The following DPP10 variants were observed in gnomAD, a reference collection of about 807,000 sequenced individuals.
DPP10 encodes the protein inactive dipeptidyl peptidase 10.
Under a neutral mutation model 120.9 loss-of-function variants are expected in DPP10, and 33 were observed. The ratio of observed to expected loss-of-function variants is 0.27; its 90% CI spans 0.21 to 0.37. The LOEUF is 0.37. Ranked by LOEUF, DPP10 falls within the 10% of genes least tolerant of loss-of-function variation. DPP10 has a pLI of 1.00. For synonymous variants in DPP10, 337 were observed against 326.1 expected (o/e 1.03, Z -0.36); for missense variants, 816 against 942.8 (o/e 0.87, Z 1.76).
Position 114,737,254 on chromosome 2 carries a change from A to C in DPP10, c.60+294416A>C, listed in dbSNP as rs118156855. Among the ~76,000 whole-genome samples, 423 of 152,326 alleles carry C rather than the reference A, an allele frequency of 2.8e-3. 10 individuals carry two copies. In the East Asian group the frequency reaches 0.067, roughly 24 times the overall value. On this transcript the variant is annotated intron_variant, in intron 1 of 25. Coordinates refer to ENST00000410059, the MANE Select transcript of DPP10 (RefSeq NM_020868.6). Reference sequence around the variant, plus strand: ...CTCCAAAAAGCAGAATAATCTCAGGAAGACGTTGCCCTCTCCTGAGCTAGG... The same window carrying C: ...CTCCAAAAAGCAGAATAATCTCAGGCAGACGTTGCCCTCTCCTGAGCTAGG...
chr2:115,504,340 T>C (rs1412615302), intron 4 of DPP10, among the ~76,000 whole-genome samples: 1 of 150,666 alleles, frequency 6.6e-6, no homozygotes, highest in African/African-American at 2.4e-5. Flanking sequence ...TAAAAACTGA[T>C]GGCTACTGGG....
At chr2:114,779,867 T>G (rs956282886) in intron 1 of DPP10, among the ~76,000 whole-genome samples, 1 of 151,738 alleles carries the variant, frequency 6.6e-6, no homozygotes, top group Non-Finnish European at 1.5e-5. Context: ...CTGAGCACGG[T>G]GGCTCACGCC....
At chr2:114,998,628 C>A (rs1164114241) in intron 1 of DPP10, among the ~76,000 whole-genome samples, 1 of 152,140 alleles carries the variant, frequency 6.6e-6, no homozygotes, top group Non-Finnish European at 1.5e-5. Context: ...CAAAAATAAA[C>A]AGCTTACTCT....
In DPP10 at chr2:115,525,892, T is replaced by G; in HGVS notation, c.367-6T>G. ...AAATATAACTGGTTTTTTTTTCTTTTTCTAGGTAACCTTCAAAGCATCAAG... is the reference window on the plus strand; with the variant it reads ...AAATATAACTGGTTTTTTTTTCTTTGTCTAGGTAACCTTCAAAGCATCAAG... On this transcript the variant is annotated splice_region_variant and splice_polypyrimidine_tract_variant and intron_variant, in intron 4 of 25. Transcript: ENST00000410059. The G allele has an allele frequency of 7.6e-6, 12 of 1,587,544 alleles. No homozygotes were observed. Among genetic ancestry groups the G allele is most frequent in the Non-Finnish European group, 1.0e-5 (12 of 1,172,838 alleles).
chr2:114,549,690 GAGAGAAAT>G lies in DPP10; in HGVS notation c.60+106854_60+106861del, dbSNP rs1179618811. On this transcript the variant is annotated intron_variant, in intron 1 of 25. Transcript: ENST00000410059. ...AAAAAAAAAAAAAAAAAAAAAGAGA[GAGAGAAAT>G]AAATAAAAAAGAAAACATGTGGGTA... is the stretch of plus-strand genomic sequence containing the variant. Among the ~76,000 whole-genome samples, 41 of 70,130 alleles carry G rather than the reference GAGAGAAAT, an allele frequency of 5.8e-4. No homozygotes were observed. The East Asian group carries it at 7.7e-3, about 13-fold the overall frequency. The allele number at this position is 70,130 out of a possible 152,430, so 46.0% of individuals were successfully genotyped here. A position where few individuals can be genotyped will look rare whatever the true frequency, so the allele number is the denominator to read the frequency against.
intron 2 of DPP10, among the ~76,000 whole-genome samples, chr2:115,325,263 G>A (rs986926653): frequency 6.6e-6 from 1 of 152,076 alleles, no homozygotes; most frequent in Non-Finnish European, 1.5e-5. Context: ...GAGTATGCTT[G>A]TATTGACCAG....
intron 1 of DPP10, among the ~76,000 whole-genome samples, chr2:114,793,974 G>T (rs1365335580): frequency 6.6e-6 from 1 of 152,124 alleles, no homozygotes; most frequent in Non-Finnish European, 1.5e-5. Flanking sequence ...GCTCAGTCTG[G>T]TGTCCTGCAG....
At chr2:115,444,429 A>G (rs974061114) in intron 3 of DPP10, among the ~76,000 whole-genome samples, 1 of 152,224 alleles carries the variant, frequency 6.6e-6, no homozygotes, top group Non-Finnish European at 1.5e-5. Context: ...TTTAATAGTA[A>G]ATCAAAATAT....
intron 3 of DPP10, among the ~76,000 whole-genome samples, chr2:115,467,872 AG>A (rs2105139135): frequency 6.6e-6 from 1 of 152,306 alleles, no homozygotes; most frequent in African/African-American, 2.4e-5. Flanking sequence ...TAGCAGAATC[AG>A]GGCTTTATTA....
At chr2:114,975,267 A>G (rs2104817664) in intron 1 of DPP10, among the ~76,000 whole-genome samples, 1 of 152,220 alleles carries the variant, frequency 6.6e-6, no homozygotes, top group South Asian at 2.1e-4. Context: ...GGTGGTCTCA[A>G]TCTCTTGACC....
intron 3 of DPP10, among the ~76,000 whole-genome samples, chr2:115,400,236 A>T (rs1023602194): frequency 2.6e-5 from 4 of 152,198 alleles, no homozygotes; most frequent in Non-Finnish European, 5.9e-5. Context: ...AGGAACACAG[A>T]TCCAAACCAT....
chr2:115,087,646 C>CG (rs35897668), intron 1 of DPP10, among the ~76,000 whole-genome samples: 35,788 of 150,314 alleles, frequency 0.24, 4,944 homozygotes, highest in East Asian at 0.31. Context: ...CTCTGCCTCC[C>CG]GGGTTCAAGC....
rs1701103790 is a variant in DPP10 at position 114,996,650 on chromosome 2, T to C, written c.61-312589T>C. 2.0e-5 allele frequency among the ~76,000 whole-genome samples: 3 copies of C among 152,316 alleles called. No homozygotes were observed. In the Middle Eastern group the frequency reaches 0.01, roughly 518 times the overall value. ...GTACATTATCCATTGGGCAGATCCA[T>C]AGAACAAGCTAAAACTTTCCAGATT... is the stretch of plus-strand genomic sequence containing the variant. On this transcript the variant is annotated intron_variant, in intron 1 of 25. Transcript: ENST00000410059.
At chr2:114,713,869 C>T (rs1270940078) in intron 1 of DPP10, among the ~76,000 whole-genome samples, 2 of 151,570 alleles carry the variant, frequency 1.3e-5, no homozygotes, top group Non-Finnish European at 2.9e-5. Context: ...CCTGTAATCC[C>T]AGGTCCTCGG....
intron 3 of DPP10, among the ~76,000 whole-genome samples, chr2:115,473,740 T>A (rs1445704962): frequency 1.3e-5 from 2 of 152,216 alleles, no homozygotes; most frequent in Admixed American, 6.5e-5. Context: ...TTTATCAATC[T>A]AAATTAATTA....
At chr2:115,657,879 G>A (rs1054376843) in intron 5 of DPP10, among the ~76,000 whole-genome samples, 2 of 151,730 alleles carry the variant, frequency 1.3e-5, no homozygotes, top group Non-Finnish European at 3.0e-5. Flanking sequence ...ATAAATATTT[G>A]TCTATGTGTC....
At chr2:114,764,556 C>T (rs1280053414) in intron 1 of DPP10, among the ~76,000 whole-genome samples, 3 of 151,816 alleles carry the variant, frequency 2.0e-5, no homozygotes, top group Admixed American at 6.6e-5. Context: ...ACTGGCATTT[C>T]TATTTGATGA....
chr2:115,404,828 G>T (rs939103393), intron 3 of DPP10, among the ~76,000 whole-genome samples: 1 of 152,120 alleles, frequency 6.6e-6, no homozygotes, highest in South Asian at 2.1e-4. Flanking sequence ...ATTCTTTCAA[G>T]AATTATTCCA....
chr2:115,482,583 A>G (rs2105280164), intron 3 of DPP10, among the ~76,000 whole-genome samples: 1 of 152,000 alleles, frequency 6.6e-6, no homozygotes, highest in Non-Finnish European at 1.5e-5. Context: ...TTCTATTTCT[A>G]TGGATTTTCC....
Sources: gnomAD v4.1 joint callset for allele counts (sites outside exome capture counted in the v4.1 genomes callset) on GRCh38, gnomAD v4.1.1 for gene constraint, MANE v1.5 for transcripts, NCBI Gene and HGNC (gene_info 2026-07-23, HGNC 2026-07-21) for gene names.